Variants in LMO7 observed in about 807,000 individuals in gnomAD.
LMO7 encodes the protein LIM domain 7, also known as LIM domain only protein 7.
Under a neutral mutation model 206.5 loss-of-function variants are expected in LMO7, and 120 were observed. The ratio of observed to expected loss-of-function variants is 0.58; its 90% confidence interval spans 0.50 to 0.68. The LOEUF (loss-of-function observed/expected upper bound fraction) is 0.68, where lower values mean the gene tolerates loss of function less well. Among genes scored for constraint, LMO7 ranks in the 30% least tolerant of loss-of-function variants. The pLI is 0.00. For synonymous variants in LMO7, 706 were observed against 681.5 expected, an observed-to-expected ratio of 1.04 and a Z score of -0.56; for missense variants, 1,959 against 1,957.9, an observed-to-expected ratio of 1.00 and a Z score of -0.01.
chr13:75,727,428 A>G (rs1387519972), intron 3 of LMO7, among the ~76,000 whole-genome samples: 2 of 152,030 alleles, frequency 1.3e-5, no homozygotes, highest in South Asian at 2.1e-4. Flanking sequence ...TGAAAAATGC[A>G]TGTATATAGT....
chr13:75,754,279 A>G (rs2047500651), intron 3 of LMO7, among the ~76,000 whole-genome samples: 1 of 152,156 alleles, frequency 6.6e-6, no homozygotes, highest in South Asian at 2.1e-4. Flanking sequence ...GGAATACGTG[A>G]CTTTTGTTTT....
At chr13:75,774,364 G>A (rs2050116551) in intron 4 of LMO7, among the ~76,000 whole-genome samples, 1 of 152,058 alleles carries the variant, frequency 6.6e-6, no homozygotes, top group Non-Finnish European at 1.5e-5. Flanking sequence ...ATTGATTCAT[G>A]TTGAGTAATT....
intron 1 of LMO7, among the ~76,000 whole-genome samples, chr13:75,699,486 G>C (rs896389422): frequency 1.3e-5 from 2 of 150,392 alleles, no homozygotes; most frequent in Non-Finnish European, 2.9e-5. Context: ...TTTTCCCTAA[G>C]TGTCGGCCGG....
intron 3 of LMO7, among the ~76,000 whole-genome samples, chr13:75,750,282 A>G (rs991830001): frequency 1.3e-5 from 2 of 152,114 alleles, no homozygotes; most frequent in African/African-American, 4.8e-5. Flanking sequence ...TACTAAAGAG[A>G]AACACTGTCT....
intron 4 of LMO7, among the ~76,000 whole-genome samples, chr13:75,777,212 T>G (rs1226718484): frequency 6.6e-6 from 1 of 152,266 alleles, no homozygotes; most frequent in East Asian, 1.9e-4. Flanking sequence ...TGAAACTGTC[T>G]ATATGAATGG....
At chr13:75,776,794 C>T (rs1041508118) in intron 4 of LMO7, among the ~76,000 whole-genome samples, 2 of 152,144 alleles carry the variant, frequency 1.3e-5, no homozygotes, top group Admixed American at 6.5e-5. Context: ...TACCAGAAAG[C>T]CTCTGAGAGA....
chr13:75,760,374 T>C (rs1210224500), intron 3 of LMO7: 1 of 1,051,648 alleles, frequency 9.5e-7, no homozygotes, highest in East Asian at 7.6e-5. Flanking sequence ...CTCAGTCCTA[T>C]AGTATGGTTT....
In LMO7 at chr13:75,735,137, GTGTGTA is replaced by G. The variant is rs778697842; in HGVS notation, c.210+8043_210+8048del. On this transcript the variant is annotated intron_variant, in intron 3 of 30. Transcript: ENST00000377534. The stretch of plus-strand genomic sequence containing the variant: ...ATTACGTGTGTGTGTGTGTGTGTGT[GTGTGTA>G]TGTATGTACATACACATGGAGCTTT... 2.4e-3 allele frequency among the ~76,000 whole-genome samples: 363 copies of G among 150,376 alleles called. 3 individuals are homozygous for G. Among genetic ancestry groups the G allele is most frequent in the Non-Finnish European group, 4.1e-3 (279 of 67,556 alleles).
At position 75,719,422 on chromosome 13, in the gene LMO7, T is replaced by C. The variant is rs9573631; in HGVS notation, c.140+6170T>C. ...AAAACTGCTATGAACATCCATGATA[T>C]GGTTTGGCCCTGTGTCCCATCCAAA... On this transcript the variant is annotated intron_variant, in intron 2 of 30. Coordinates refer to ENST00000377534, the MANE Select transcript of LMO7 (RefSeq NM_001306080.2). Among the ~76,000 whole-genome samples the C allele has an allele frequency of 1.0e-2, 1,523 of 152,324 alleles. 26 individuals carry two copies. Among genetic ancestry groups the C allele is most frequent in the African/African-American group, 0.027 (1,126 of 41,566 alleles).
At chr13:75,696,051 C>T (rs553310690) in intron 1 of LMO7, among the ~76,000 whole-genome samples, 1 of 152,270 alleles carries the variant, frequency 6.6e-6, no homozygotes, top group African/African-American at 2.4e-5. Flanking sequence ...GATTTCCTTA[C>T]ATTTCCAGTA....
chr13:75,697,014 C>T (rs1315406265), intron 1 of LMO7, among the ~76,000 whole-genome samples: 1 of 152,040 alleles, frequency 6.6e-6, no homozygotes, highest in Non-Finnish European at 1.5e-5. Context: ...ACCTTATGGG[C>T]CAAACAACAC....
At chr13:75,825,088 T>C (rs1345586466) in intron 15 of LMO7, among the ~76,000 whole-genome samples, 5 of 152,176 alleles carry the variant, frequency 3.3e-5, no homozygotes, top group Admixed American at 2.6e-4. Context: ...TCTTTTGTTT[T>C]TTTTTCCCAT....
At chr13:75,809,129 A>G (rs1165664928) in intron 10 of LMO7, 25 bp from the exon 11 acceptor site, 4 of 1,593,574 alleles carry the variant, frequency 2.5e-6, no homozygotes, top group Non-Finnish European at 3.4e-6. Flanking sequence ...ATGACTTTTT[A>G]ATTTTTGGTT....
chr13:75,631,994 C>T (rs2035015032), upstream of LMO7: 1 of 152,142 alleles, frequency 6.6e-6, no homozygotes. Flanking sequence ...GCCCAGTGAC[C>T]TCCCAGAAAG....
intron 26 of LMO7, 112 bp from the exon 27 acceptor site, chr13:75,848,967 G>T (rs2139521715): frequency 1.5e-6 from 1 of 652,468 alleles, no homozygotes; most frequent in East Asian, 2.7e-5. Flanking sequence ...GGAGTAAGGT[G>T]GTATCACATT....
chr13:75,791,860 T>A (rs1010766089), intron 4 of LMO7, among the ~76,000 whole-genome samples: 2 of 152,132 alleles, frequency 1.3e-5, no homozygotes, highest in African/African-American at 4.8e-5. Context: ...ATACCCAAGA[T>A]AGGTATTTTT....
At chr13:75,768,951 T>C (rs1302109443) in intron 4 of LMO7, among the ~76,000 whole-genome samples, 2 of 152,074 alleles carry the variant, frequency 1.3e-5, no homozygotes, top group African/African-American at 2.4e-5. Flanking sequence ...ATATTTGTTT[T>C]TTTACCTTAG....
intron 6 of LMO7, 80 bp from the exon 7 acceptor site, chr13:75,800,604 A>G: frequency 7.5e-7 from 1 of 1,336,132 alleles, no homozygotes; most frequent in South Asian, 1.3e-5. Flanking sequence ...AAATTAGGCA[A>G]ACAAGCAAGT....
intron 3 of LMO7, among the ~76,000 whole-genome samples, chr13:75,730,549 A>G (rs1467856972): frequency 1.3e-5 from 2 of 150,938 alleles, no homozygotes; most frequent in East Asian, 1.9e-4. Flanking sequence ...CTAGCGGTCT[A>G]TCAATTTTGT....
Sources: gnomAD v4.1 joint callset for allele counts (sites outside exome capture counted in the v4.1 genomes callset) on GRCh38, gnomAD v4.1.1 for gene constraint, MANE v1.5 for transcripts, NCBI Gene and HGNC (gene_info 2026-07-23, HGNC 2026-07-21) for gene names.